Variants in RNF180 observed in about 807,000 individuals in gnomAD.
RNF180 encodes the protein ring finger protein 180.
RNF180 carries 38 observed loss-of-function variants against 59.2 expected under a neutral mutation model. That is an observed-to-expected ratio of 0.64 (90% confidence interval 0.50 to 0.84). The LOEUF is 0.84. Ranked by LOEUF, RNF180 falls within the 40% of genes least tolerant of loss-of-function variation. RNF180 has a pLI of 0.00. For synonymous variants in RNF180, 262 were observed against 240.3 expected (o/e 1.09, Z -0.84); for missense variants, 705 against 700.9 (o/e 1.01, Z -0.07).
At chr5:64,270,295 A>G (rs930482474) in intron 5 of RNF180, among the ~76,000 whole-genome samples, 1 of 152,152 alleles carries the variant, frequency 6.6e-6, no homozygotes, top group Non-Finnish European at 1.5e-5. Context: ...TGTGTGGTCT[A>G]TATCCTTTTA....
chr5:64,216,027 C>T (rs1196488160), intron 4 of RNF180, among the ~76,000 whole-genome samples: 1 of 151,446 alleles, frequency 6.6e-6, no homozygotes, highest in Non-Finnish European at 1.5e-5. Context: ...TGTATTCATT[C>T]ACATACATAT....
chr5:64,214,193 T>G lies in RNF180; in HGVS notation c.867T>G (p.Ser289Arg). The G allele has an allele frequency of 5.6e-6, 9 of 1,614,122 alleles. No individual in the cohort carries two copies. The highest frequency in any genetic ancestry group is 7.6e-6 in the Non-Finnish European group (9 of 1,179,996). Reference protein sequence around the residue: ...SFQNPSSFDPSMLLQRFSVAP... With the variant: ...SFQNPSSFDPRMLLQRFSVAP... The stretch of plus-strand genomic sequence containing the variant: ...AGAATCCATCCAGTTTTGATCCTAG[T>G]ATGCTGCTGCAAAGATTTTCAGTGG... Residue 289 changes from serine to arginine, a missense_variant, in exon 4 of 8, where the codon AGT becomes AGG. Coordinates refer to ENST00000389100, the MANE Select transcript of RNF180 (RefSeq NM_001113561.2).
In RNF180 at chr5:64,198,531, C is replaced by A. The variant is rs570460706; in HGVS notation, c.1-2277C>A. ...AAACAATCTCCTACAGGGTTTTTTT[C>A]CTACTACATAGTTGTACCCCAAGAA... is the stretch of plus-strand genomic sequence containing the variant. On this transcript the variant is annotated intron_variant, in intron 1 of 7. Coordinates refer to ENST00000389100, the MANE Select transcript of RNF180 (RefSeq NM_001113561.2). Among the ~76,000 whole-genome samples, 15 of 152,074 alleles carry A rather than the reference C, an allele frequency of 9.9e-5. 2 individuals are homozygous for A. Among genetic ancestry groups the A allele is most frequent in the African/African-American group, 3.6e-4 (15 of 41,498 alleles).
chr5:64,312,035 G>A (rs1743795405), intron 5 of RNF180, among the ~76,000 whole-genome samples: 1 of 151,976 alleles, frequency 6.6e-6, no homozygotes, highest in African/African-American at 2.4e-5. Flanking sequence ...GCAAGGGAGA[G>A]AGAATGAAGC....
At chr5:64,352,426 A>C (rs1745853540) in intron 7 of RNF180, among the ~76,000 whole-genome samples, 1 of 151,636 alleles carries the variant, frequency 6.6e-6, no homozygotes, top group African/African-American at 2.4e-5. Context: ...CATCTTAGTT[A>C]TTTCTTGCTT....
At chr5:64,340,742 G>A (rs1381618754) in intron 7 of RNF180, among the ~76,000 whole-genome samples, 1 of 152,110 alleles carries the variant, frequency 6.6e-6, no homozygotes, top group African/African-American at 2.4e-5. Context: ...GCAGAATCAG[G>A]TTCTATTTTT....
intron 5 of RNF180, among the ~76,000 whole-genome samples, chr5:64,246,877 C>T (rs779297401): frequency 1.1e-4 from 17 of 152,074 alleles, no homozygotes; most frequent in Admixed American, 6.6e-4. Flanking sequence ...ACTGGTAAAC[C>T]GGAATCAGCA....
At chr5:64,252,198 A>G (rs1290623643) in intron 5 of RNF180, among the ~76,000 whole-genome samples, 3 of 152,218 alleles carry the variant, frequency 2.0e-5, no homozygotes, top group African/African-American at 7.2e-5. Context: ...CCAATGGATC[A>G]GTATAGAGAG....
At chr5:64,352,852 C>T (rs1199274102) in intron 7 of RNF180, among the ~76,000 whole-genome samples, 1 of 151,884 alleles carries the variant, frequency 6.6e-6, no homozygotes, top group East Asian at 1.9e-4. Flanking sequence ...TAAACAGAAA[C>T]TGGCTGAAGA....
chr5:64,190,434 T>C (rs1298999131), intron 1 of RNF180, among the ~76,000 whole-genome samples: 2 of 152,170 alleles, frequency 1.3e-5, no homozygotes, highest in Admixed American at 6.5e-5. Context: ...CATCCATACC[T>C]GATTTAGATG....
At chr5:64,279,714 A>C (rs1164065466) in intron 5 of RNF180, among the ~76,000 whole-genome samples, 4 of 152,162 alleles carry the variant, frequency 2.6e-5, no homozygotes, top group Non-Finnish European at 5.9e-5. Flanking sequence ...GACTATTTAG[A>C]GTTATCTTTA....
At chr5:64,349,641 A>G (rs1458024510) in intron 7 of RNF180, among the ~76,000 whole-genome samples, 1 of 151,682 alleles carries the variant, frequency 6.6e-6, no homozygotes, top group East Asian at 1.9e-4. Context: ...CCTGTGTCCA[A>G]GTGTTCTCAT....
chr5:64,167,309 G>C (rs1031224982), intron 1 of RNF180, among the ~76,000 whole-genome samples: 9 of 152,048 alleles, frequency 5.9e-5, no homozygotes, highest in Admixed American at 2.0e-4. Flanking sequence ...AATTGTGTAC[G>C]TGTTATGTTG....
intron 5 of RNF180, among the ~76,000 whole-genome samples, chr5:64,222,961 C>T (rs1741443498): frequency 6.6e-6 from 1 of 152,234 alleles, no homozygotes; most frequent in African/African-American, 2.4e-5. Flanking sequence ...ATAATTGTCA[C>T]ACTTACATAT....
chr5:64,345,688 C>T (rs1241884224), intron 7 of RNF180, among the ~76,000 whole-genome samples: 4 of 152,132 alleles, frequency 2.6e-5, no homozygotes, highest in Non-Finnish European at 5.9e-5. Context: ...CCTGTCATGA[C>T]AGATGTAAAA....
chr5:64,307,764 A>G (rs1480745193), intron 5 of RNF180, among the ~76,000 whole-genome samples: 1 of 151,782 alleles, frequency 6.6e-6, no homozygotes. Flanking sequence ...TTTTCACGTA[A>G]TGTATTGAAT....
At position 64,255,358 on chromosome 5, in the gene RNF180, C is replaced by T. The variant is rs558696226; in HGVS notation, c.1227+37962C>T. The stretch of plus-strand genomic sequence containing the variant: ...CCAAATGCTATCCCCCTCGCCCCAG[C>T]CCCACAACAGGCCCTGGTGTGTGAT... On this transcript the variant is annotated intron_variant, in intron 5 of 7. Coordinates refer to ENST00000389100, the MANE Select transcript of RNF180 (RefSeq NM_001113561.2). Among the ~76,000 whole-genome samples, 141 of 151,870 alleles carry T rather than the reference C, an allele frequency of 9.3e-4. 1 individual carries two copies. Among genetic ancestry groups the T allele is most frequent in the Non-Finnish European group, 1.8e-3 (124 of 67,882 alleles).
chr5:64,193,618 C>A (rs2112017241), intron 1 of RNF180, among the ~76,000 whole-genome samples: 1 of 152,228 alleles, frequency 6.6e-6, no homozygotes. Flanking sequence ...AGCATTTAAC[C>A]AGTTCTTTGG....
chr5:64,355,702 T>C (rs894907476), intron 7 of RNF180, among the ~76,000 whole-genome samples: 1 of 151,894 alleles, frequency 6.6e-6, no homozygotes, highest in African/African-American at 2.4e-5. Context: ...AATAGACATA[T>C]AGATCAAGGG....
Sources: allele counts gnomAD v4.1 joint callset (sites outside exome capture counted in the v4.1 genomes callset), GRCh38; gene constraint gnomAD v4.1.1; transcripts MANE v1.5; gene names NCBI Gene and HGNC (gene_info 2026-07-23, HGNC 2026-07-21).